Variants in PIBF1 observed in about 807,000 individuals in gnomAD.
PIBF1 encodes progesterone-induced-blocking factor 1.
Under a neutral mutation model 112.5 loss-of-function variants are expected in PIBF1, and 90 were observed. The observed-to-expected ratio is 0.80, with a 90% CI of 0.67 to 0.95. PIBF1 has a LOEUF of 0.95. PIBF1 is among the 40% of genes least tolerant of loss of function. The pLI, the probability that PIBF1 is intolerant of heterozygous loss-of-function variation, is 0.00. For synonymous variants in PIBF1, 301 were observed against 288.6 expected (o/e 1.04, Z -0.44); for missense variants, 915 against 852.3 (o/e 1.07, Z -0.92).
intron 14 of PIBF1, among the ~76,000 whole-genome samples, chr13:72,951,585 C>T (rs1047951759): frequency 1.3e-5 from 2 of 152,014 alleles, no homozygotes; most frequent in East Asian, 1.9e-4. Flanking sequence ...GGGCTACGTA[C>T]GGTATGATTC....
At chr13:72,923,394 C>CA (rs1179178365) in intron 13 of PIBF1, among the ~76,000 whole-genome samples, 1 of 152,140 alleles carries the variant, frequency 6.6e-6, no homozygotes, top group Non-Finnish European at 1.5e-5. Flanking sequence ...CTAATTTGAC[C>CA]AAGTAACAGG....
intron 10 of PIBF1, among the ~76,000 whole-genome samples, chr13:72,884,151 G>T (rs924615261): frequency 6.6e-6 from 1 of 152,054 alleles, no homozygotes; most frequent in African/African-American, 2.4e-5. Context: ...TTTTGTATTA[G>T]CAGTTTGGAG....
At chr13:72,801,296 TC>T (rs1437152765) in intron 5 of PIBF1, among the ~76,000 whole-genome samples, 1 of 152,032 alleles carries the variant, frequency 6.6e-6, no homozygotes, top group Non-Finnish European at 1.5e-5. Context: ...ATTTTTTTTT[TC>T]AGTAGATATA....
intron 12 of PIBF1, among the ~76,000 whole-genome samples, chr13:72,914,466 G>A (rs538488205): frequency 5.9e-5 from 9 of 151,796 alleles, no homozygotes; most frequent in East Asian, 3.9e-4. Flanking sequence ...GGCATTTGTC[G>A]AATTTCTCAG....
intron 5 of PIBF1, 99 bp from the exon 6 acceptor site, chr13:72,821,750 C>T (rs2036564949): frequency 2.5e-6 from 2 of 806,494 alleles, no homozygotes; most frequent in Admixed American, 3.6e-5. Context: ...TGTTTAATTA[C>T]AAGGACAATC....
At chr13:72,789,445 C>A (rs546555968) in intron 2 of PIBF1, among the ~76,000 whole-genome samples, 1 of 152,086 alleles carries the variant, frequency 6.6e-6, no homozygotes, top group Non-Finnish European at 1.5e-5. Flanking sequence ...CCTTGGCCCC[C>A]CAAAGTGCTG....
At chr13:72,898,953 A>G (rs1296659655) in intron 11 of PIBF1, among the ~76,000 whole-genome samples, 3 of 152,128 alleles carry the variant, frequency 2.0e-5, no homozygotes, top group Admixed American at 6.5e-5. Flanking sequence ...ATTACAACTG[A>G]CACCACTGAA....
chr13:72,919,645 T>A (rs2041222943), intron 13 of PIBF1, among the ~76,000 whole-genome samples: 1 of 152,120 alleles, frequency 6.6e-6, no homozygotes, highest in Non-Finnish European at 1.5e-5. Context: ...TATTTTGGCC[T>A]CTGAATCCTT....
At chr13:72,913,615 A>G (rs917679584) in intron 12 of PIBF1, among the ~76,000 whole-genome samples, 2 of 152,078 alleles carry the variant, frequency 1.3e-5, no homozygotes, top group African/African-American at 4.8e-5. Context: ...ATCTCTACAA[A>G]AAAATAAAAA....
intron 4 of PIBF1, 122 bp from the exon 5 acceptor site, chr13:72,797,785 G>A (rs556721299): frequency 2.9e-6 from 2 of 697,478 alleles, no homozygotes; most frequent in African/African-American, 3.7e-5. Flanking sequence ...GTCCATTAAT[G>A]ACTGTCTTGT....
rs143571196 is a variant in PIBF1, at chr13:72,840,684, C to T, written c.1223+5316C>T. On this transcript the variant is annotated intron_variant, in intron 9 of 17. Transcript: ENST00000326291. Reference sequence around the variant, plus strand: ...GATTACAGGTTCGCGCCACCACGCCCGGCTAATTTTCATATTTTTAGTACG... The same window carrying T: ...GATTACAGGTTCGCGCCACCACGCCTGGCTAATTTTCATATTTTTAGTACG... Among the ~76,000 whole-genome samples, 1,363 of 152,056 alleles carry T rather than the reference C, an allele frequency of 9.0e-3. 67 individuals are homozygous for T. The highest frequency in any genetic ancestry group is 0.014 in the East Asian group (73 of 5,158).
chr13:72,942,118 C>T (rs955204413), intron 14 of PIBF1, among the ~76,000 whole-genome samples: 2 of 152,230 alleles, frequency 1.3e-5, no homozygotes, highest in East Asian at 3.9e-4. Context: ...AGCTCAGTCT[C>T]TTGGAAAGAG....
At chr13:72,963,650 C>T (rs1174111451) in intron 14 of PIBF1, among the ~76,000 whole-genome samples, 3 of 151,988 alleles carry the variant, frequency 2.0e-5, no homozygotes, top group African/African-American at 7.2e-5. Flanking sequence ...AGACAACCCA[C>T]AAAATGGAAG....
At chr13:72,968,228 C>G (rs1318111163) in intron 15 of PIBF1, among the ~76,000 whole-genome samples, 1 of 152,040 alleles carries the variant, frequency 6.6e-6, no homozygotes, top group Non-Finnish European at 1.5e-5. Flanking sequence ...GTATGGTAGC[C>G]ACTAGCTAGC....
chr13:72,880,042 A>T (rs1047065737), intron 10 of PIBF1, among the ~76,000 whole-genome samples: 3 of 152,182 alleles, frequency 2.0e-5, no homozygotes, highest in Non-Finnish European at 4.4e-5. Context: ...AGCATCAGTT[A>T]AGCAGCAGTG....
At chr13:72,881,415 C>T (rs1291556269) in intron 10 of PIBF1, among the ~76,000 whole-genome samples, 2 of 151,770 alleles carry the variant, frequency 1.3e-5, no homozygotes, top group African/African-American at 4.8e-5. Flanking sequence ...AATTAAATAC[C>T]TAGGAATTAA....
At chr13:73,000,742 T>G (rs1020874668) in intron 17 of PIBF1, among the ~76,000 whole-genome samples, 5 of 152,210 alleles carry the variant, frequency 3.3e-5, no homozygotes, top group African/African-American at 1.2e-4. Context: ...GACCCTGACC[T>G]TCTGCATTTC....
At chr13:72,907,316 T>G (rs578148458) in intron 11 of PIBF1, among the ~76,000 whole-genome samples, 1 of 152,262 alleles carries the variant, frequency 6.6e-6, no homozygotes, top group South Asian at 2.1e-4. Flanking sequence ...TTTTTCCACA[T>G]CACAGAAAAC....
intron 10 of PIBF1, among the ~76,000 whole-genome samples, chr13:72,866,088 GCTTGTAACCGTATCACT>G (rs1321620494): frequency 6.6e-6 from 1 of 152,002 alleles, no homozygotes; most frequent in Non-Finnish European, 1.5e-5. Context: ...GGCTTCCTTG[GCTTGTAACCGTATCACT>G]CTAGTCTCTG....
Sources: gnomAD v4.1 joint callset for allele counts (sites outside exome capture counted in the v4.1 genomes callset) on GRCh38, gnomAD v4.1.1 for gene constraint, MANE v1.5 for transcripts, NCBI Gene and HGNC (gene_info 2026-07-23, HGNC 2026-07-21) for gene names.